MARCHF8: variants seen among roughly 807,000 people sequenced by gnomAD.
MARCHF8 encodes the protein membrane associated ring-CH-type finger 8.
A neutral mutation model predicts 51.6 loss-of-function variants in MARCHF8; 40 were observed. The observed-to-expected ratio is 0.77, with a 90% CI of 0.60 to 1.01. MARCHF8 has a LOEUF of 1.01. Among genes scored for constraint, MARCHF8 ranks in the 50% least tolerant of loss-of-function variants. The pLI, the probability that MARCHF8 is intolerant of heterozygous loss-of-function variation, is 0.00. For synonymous variants in MARCHF8, 263 were observed against 280.3 expected (o/e 0.94, Z 0.62); for missense variants, 685 against 708.6 (o/e 0.97, Z 0.38).
At chr10:45,564,119 T>C (rs1464179419) in intron 1 of MARCHF8, among the ~76,000 whole-genome samples, 4 of 152,022 alleles carry the variant, frequency 2.6e-5, no homozygotes, top group African/African-American at 7.2e-5. Flanking sequence ...CTACTAAAAA[T>C]ACAAAAATCA....
intron 6 of MARCHF8, chr10:45,460,962 C>A: frequency 2.9e-6 from 1 of 342,140 alleles, no homozygotes; most frequent in Non-Finnish European, 5.3e-6. Context: ...AGTCTGTAGT[C>A]AAAGGCCAGA....
chr10:45,587,886 A>T lies in MARCHF8; in HGVS notation c.-79+6349T>A, dbSNP rs573245127. Among the ~76,000 whole-genome samples, 5 of 152,228 alleles carry T rather than the reference A, an allele frequency of 3.3e-5. No individual in the cohort carries two copies. In the South Asian group the frequency reaches 6.2e-4, roughly 19 times the overall value. ...AATTACCTTTTCAACAAATGATATTAAAAAATGTATATTAGACCAGCTAGC... is the reference window on the plus strand; with the variant it reads ...AATTACCTTTTCAACAAATGATATTTAAAAATGTATATTAGACCAGCTAGC... On this transcript the variant is annotated intron_variant, in intron 1 of 6. Transcript: ENST00000319836.
At chr10:45,485,214 T>C (rs570616307) in intron 3 of MARCHF8, among the ~76,000 whole-genome samples, 111 of 152,208 alleles carry the variant, frequency 7.3e-4, no homozygotes, top group African/African-American at 2.4e-3. Context: ...TCTACACTCA[T>C]GAAGGTTACA....
At chr10:45,593,061 G>A (rs962757035) in intron 1 of MARCHF8, among the ~76,000 whole-genome samples, 21 of 151,068 alleles carry the variant, frequency 1.4e-4, no homozygotes, top group African/African-American at 4.9e-4. Flanking sequence ...ACCAAAGAAA[G>A]GAACTGACTT....
At chr10:45,572,719 CG>C (rs2044445101) in intron 1 of MARCHF8, among the ~76,000 whole-genome samples, 1 of 152,046 alleles carries the variant, frequency 6.6e-6, no homozygotes, top group Non-Finnish European at 1.5e-5. Context: ...CAACCCCAAG[CG>C]TCTCTGAGTC....
chr10:45,575,963 GC>G (rs1442666911), intron 1 of MARCHF8, among the ~76,000 whole-genome samples: 1 of 151,986 alleles, frequency 6.6e-6, no homozygotes, highest in African/African-American at 2.4e-5. Flanking sequence ...CTATAAAATG[GC>G]CCCACCCCTT....
rs534839131 is a variant in MARCHF8 at position 45,511,461 on chromosome 10, G to A, written c.102+21649C>T. On this transcript the variant is annotated intron_variant, in intron 2 of 7. Coordinates refer to ENST00000453424, the MANE Select transcript of MARCHF8 (RefSeq NM_001282866.2). Reference sequence around the variant, plus strand: ...CACGGTCTCCCTCTGATGCCGAGCCGAAGCTGGACTGTACTGCTGCCATCT... The same window carrying A: ...CACGGTCTCCCTCTGATGCCGAGCCAAAGCTGGACTGTACTGCTGCCATCT... 4.7e-3 allele frequency among the ~76,000 whole-genome samples: 714 copies of A among 152,232 alleles called. 2 individuals carry two copies. Among genetic ancestry groups the A allele is most frequent in the Non-Finnish European group, 7.9e-3 (539 of 67,988 alleles).
chr10:45,588,407 G>A (rs958468644), intron 1 of MARCHF8, among the ~76,000 whole-genome samples: 1 of 152,106 alleles, frequency 6.6e-6, no homozygotes, highest in African/African-American at 2.4e-5. Flanking sequence ...TGCCTTTGCT[G>A]AAGTCATAAA....
intron 1 of MARCHF8, among the ~76,000 whole-genome samples, chr10:45,550,728 G>C (rs879488106): frequency 6.6e-6 from 1 of 152,014 alleles, no homozygotes; most frequent in African/African-American, 2.4e-5. Flanking sequence ...TTCTTGGGAT[G>C]CTCTTTCCTC....
chr10:45,468,761 C>G (rs1490848710), intron 3 of MARCHF8, among the ~76,000 whole-genome samples: 1 of 152,148 alleles, frequency 6.6e-6, no homozygotes, highest in Non-Finnish European at 1.5e-5. Flanking sequence ...TCATTTCTCT[C>G]ACAATGAGAA....
chr10:45,533,965 C>T (rs566999450), intron 1 of MARCHF8, among the ~76,000 whole-genome samples: 1 of 152,242 alleles, frequency 6.6e-6, no homozygotes, highest in East Asian at 1.9e-4. Flanking sequence ...GGGCAAATCA[C>T]GAGGTCAGGA....
chr10:45,458,087 G>T lies in MARCHF8; in HGVS notation c.*152C>A. 1.2e-6 allele frequency: 1 copy of T among 832,462 alleles called. No individual in the cohort carries two copies. The highest frequency in any genetic ancestry group is 2.7e-5 in the East Asian group (1 of 36,530). 51.6% of individuals were successfully genotyped at this position (832,462 alleles called of 1,614,324 possible). On this transcript the variant is annotated 3_prime_UTR_variant, in exon 8 of 8. Coordinates refer to ENST00000453424, the MANE Select transcript of MARCHF8 (RefSeq NM_001282866.2). Reference sequence around the variant, plus strand: ...TGGCCCACAGGAAGGTTTTCTAGGAGACTAAGGAGGGTTTAGAAAAAGAGA... The same window carrying T: ...TGGCCCACAGGAAGGTTTTCTAGGATACTAAGGAGGGTTTAGAAAAAGAGA...
intron 1 of MARCHF8, among the ~76,000 whole-genome samples, chr10:45,561,900 CAAAAAAAAAAAA>C (rs34329041): frequency 2.4e-5 from 1 of 41,534 alleles, no homozygotes; most frequent in Non-Finnish European, 4.9e-5. Flanking sequence ...GACTCCGTCT[CAAAAAAAAAAAA>C]AAAAAAAAAG....
intron 2 of MARCHF8, among the ~76,000 whole-genome samples, chr10:45,529,824 C>G (rs2043848550): frequency 6.6e-6 from 1 of 152,174 alleles, no homozygotes; most frequent in South Asian, 2.1e-4. Flanking sequence ...AAAGGGAATG[C>G]TCACAGACTG....
At chr10:45,588,615 T>C (rs2044643542) in intron 1 of MARCHF8, among the ~76,000 whole-genome samples, 1 of 152,260 alleles carries the variant, frequency 6.6e-6, no homozygotes, top group African/African-American at 2.4e-5. Flanking sequence ...ATTTTAAGTA[T>C]AATTTATCCC....
intron 1 of MARCHF8, among the ~76,000 whole-genome samples, chr10:45,566,756 T>C (rs892442550): frequency 6.8e-6 from 1 of 146,258 alleles, no homozygotes; most frequent in Non-Finnish European, 1.5e-5. Context: ...CTCTTTGATA[T>C]ATTGATTTCT....
Position 45,531,467 on chromosome 10 carries a change from AT to A in MARCHF8, c.102+1642del, listed in dbSNP as rs564221575. Among the ~76,000 whole-genome samples the A allele has an allele frequency of 1.4e-4, 22 of 152,230 alleles. No individual in the cohort carries two copies. In the South Asian group the frequency reaches 3.7e-3, roughly 26 times the overall value. Reference sequence around the variant, plus strand: ...AAAGAAAAGTATTTAAAGAGAAAGTATTTTTTTAAATATATTCTAGGGTTTA... The same window carrying A: ...AAAGAAAAGTATTTAAAGAGAAAGTATTTTTTAAATATATTCTAGGGTTTA... On this transcript the variant is annotated intron_variant, in intron 2 of 7. Coordinates refer to ENST00000453424, the MANE Select transcript of MARCHF8 (RefSeq NM_001282866.2).
intron 3 of MARCHF8, among the ~76,000 whole-genome samples, chr10:45,464,966 T>C (rs541749220): frequency 6.6e-6 from 1 of 151,994 alleles, no homozygotes; most frequent in South Asian, 2.1e-4. Flanking sequence ...AGAAAAATAA[T>C]CAAGAAAATT....
intron 2 of MARCHF8, among the ~76,000 whole-genome samples, chr10:45,522,276 G>C (rs1162492718): frequency 5.3e-5 from 8 of 152,128 alleles, no homozygotes; most frequent in Non-Finnish European, 7.4e-5. Flanking sequence ...GTATGGGAGG[G>C]CCACTGAGGC....
Sources: allele counts gnomAD v4.1 joint callset (sites outside exome capture counted in the v4.1 genomes callset), GRCh38; gene constraint gnomAD v4.1.1; transcripts MANE v1.5; gene names NCBI Gene and HGNC (gene_info 2026-07-23, HGNC 2026-07-21).